Variants in ALDH8A1 observed in about 807,000 individuals in gnomAD.
ALDH8A1 encodes 2-aminomuconic semialdehyde dehydrogenase.
Under a neutral mutation model 43.3 loss-of-function variants are expected in ALDH8A1, and 39 were observed. The ratio of observed to expected loss-of-function variants is 0.90; its 90% confidence interval spans 0.70 to 1.18. The LOEUF is 1.18. ALDH8A1 is among the 50% of genes most tolerant of loss of function. The probability of loss-of-function intolerance (pLI) is 0.00; values close to 1 mark genes in which losing one functional copy is unlikely to be tolerated. For missense variants in ALDH8A1, 605 were observed against 622.6 expected, an observed-to-expected ratio of 0.97 and a Z score of 0.30; for synonymous variants, 233 against 243.5, an observed-to-expected ratio of 0.96 and a Z score of 0.40.
rs571952499 is a variant in ALDH8A1, at chr6:134,922,859, T to C, written c.1012-3992A>G. On this transcript the variant is annotated intron_variant, in intron 6 of 6. Coordinates refer to ENST00000265605, the MANE Select transcript of ALDH8A1 (RefSeq NM_022568.4). ...CAAGCAGAAAATCAAAAGTAGTTGA[T>C]TGAAAAGTCTTCAGTTGAGTTGATA... Among the ~76,000 whole-genome samples, 5 of 152,262 alleles carry C rather than the reference T, an allele frequency of 3.3e-5. No individual in the cohort carries two copies. The South Asian group carries it at 1.0e-3, about 32-fold the overall frequency.
rs75214079 is a variant in ALDH8A1 at position 134,946,788 on chromosome 6, G to A, written c.139-2822C>T. 7.8e-3 allele frequency among the ~76,000 whole-genome samples: 1,165 copies of A among 148,572 alleles called. 19 individuals are homozygous for A. The highest frequency in any genetic ancestry group is 0.028 in the African/African-American group (1,079 of 38,238). ...CACAGGTGCGCATGTGTGCGCGCGC[G>A]CACAGGTGCGCATGTGTGCGTGCAC... is the stretch of plus-strand genomic sequence containing the variant. On this transcript the variant is annotated intron_variant, in intron 1 of 6. Transcript: ENST00000265605.
chr6:134,932,666 C>T (rs1002407858), intron 5 of ALDH8A1, 110 bp downstream of exon 5: 29 of 1,455,622 alleles, frequency 2.0e-5, no homozygotes, highest in Admixed American at 1.5e-4. Context: ...CCTGCTTTCT[C>T]GGAAATGGCA....
At position 134,918,762 on chromosome 6, in the gene ALDH8A1, T is replaced by C. The variant is rs759367815; in HGVS notation, c.1117A>G (p.Met373Val). ...LPARNQAGYFMLPTVITDIKD... is the reference protein window; with the variant it reads ...LPARNQAGYFVLPTVITDIKD... ...ATGTCTGTTATCACCGTGGGAAGCATAAAGTAGCCTGCCTGGTTCCTGGCA... is the reference window on the plus strand; with the variant it reads ...ATGTCTGTTATCACCGTGGGAAGCACAAAGTAGCCTGCCTGGTTCCTGGCA... The change falls in exon 7 of 7, where the codon ATG becomes GTG. Residue 373 changes from methionine (M) to valine (V), a missense_variant. Coordinates refer to ENST00000265605, the MANE Select transcript of ALDH8A1 (RefSeq NM_022568.4). 6.2e-7 allele frequency: 1 copy of C among 1,614,176 alleles called. No homozygotes were observed. The highest frequency in any genetic ancestry group is 8.5e-7 in the Non-Finnish European group (1 of 1,180,032).
At chr6:134,928,449 G>C (rs367796854) in intron 6 of ALDH8A1, among the ~76,000 whole-genome samples, 7 of 152,352 alleles carry the variant, frequency 4.6e-5, no homozygotes, top group Admixed American at 2.0e-4. Flanking sequence ...GCTGAAAGCA[G>C]AGTCCTTCTG....
Position 134,943,206 on chromosome 6 carries a change from A to G in ALDH8A1, c.286+613T>C, listed in dbSNP as rs563543759. On this transcript the variant is annotated intron_variant, in intron 2 of 6. Coordinates refer to ENST00000265605, the MANE Select transcript of ALDH8A1 (RefSeq NM_022568.4). Reference sequence around the variant, plus strand: ...ACCAGCAGAGAACTATTTTCTTTTTAAGGGCTTGGACTCAGGCTGCTTTCT... The same window carrying G: ...ACCAGCAGAGAACTATTTTCTTTTTGAGGGCTTGGACTCAGGCTGCTTTCT... Among the ~76,000 whole-genome samples, 5 of 152,334 alleles carry G rather than the reference A, an allele frequency of 3.3e-5. No individual in the cohort carries two copies. In the South Asian group the frequency reaches 8.3e-4, roughly 25 times the overall value.
At chr6:134,940,196 G>A in intron 3 of ALDH8A1, 2 of 364,020 alleles carry the variant, frequency 5.5e-6, no homozygotes, top group Non-Finnish European at 1.1e-5. Context: ...TAACAAACCT[G>A]CACGTCCTGC....
chr6:134,941,872 A>G (rs566469969), intron 3 of ALDH8A1, among the ~76,000 whole-genome samples: 1 of 152,102 alleles, frequency 6.6e-6, no homozygotes, highest in East Asian at 1.9e-4. Flanking sequence ...CTGGCATGTG[A>G]ATTTACATAT....
intron 3 of ALDH8A1, among the ~76,000 whole-genome samples, chr6:134,941,077 T>C (rs1187375823): frequency 6.6e-6 from 1 of 152,252 alleles, no homozygotes. Flanking sequence ...TTATACGTTC[T>C]TCCAAAGGTC....
At position 134,918,468 on chromosome 6, in the gene ALDH8A1, T is replaced by C; in HGVS notation, c.1411A>G (p.Lys471Glu). Residue 471 changes from lysine (K) to glutamate (E), a missense_variant, in exon 7 of 7, where the codon AAG (lysine) becomes GAG (glutamate). Physicochemically the swap from Lys to Glu is moderately conservative, Grantham distance 56. Coordinates refer to ENST00000265605, the MANE Select transcript of ALDH8A1 (RefSeq NM_022568.4). ...TCAGTGAAGAAGTCGTAAGAGTCCTTGGCTCCCTCTCTACCTATTCCAGAA... is the reference window on the plus strand; with the variant it reads ...TCAGTGAAGAAGTCGTAAGAGTCCTCGGCTCCCTCTCTACCTATTCCAGAA... ...KSSGIGREGAKDSYDFFTEIK... is the reference protein window; with the variant it reads ...KSSGIGREGAEDSYDFFTEIK... 1 of 1,614,192 alleles carries C rather than the reference T, an allele frequency of 6.2e-7. No individual in the cohort carries two copies. Among genetic ancestry groups the C allele is most frequent in the Non-Finnish European group, 8.5e-7 (1 of 1,180,036 alleles).
At chr6:134,927,626 T>C (rs1014491668) in intron 6 of ALDH8A1, among the ~76,000 whole-genome samples, 1 of 152,186 alleles carries the variant, frequency 6.6e-6, no homozygotes, top group Non-Finnish European at 1.5e-5. Context: ...ATAGTTATTA[T>C]GGCAGCGACT....
At chr6:134,927,228 G>A (rs1017522805) in intron 6 of ALDH8A1, among the ~76,000 whole-genome samples, 5 of 152,088 alleles carry the variant, frequency 3.3e-5, no homozygotes, top group Non-Finnish European at 5.9e-5. Context: ...ACTCATTAGC[G>A]TCTTGTATAA....
intron 1 of ALDH8A1, among the ~76,000 whole-genome samples, chr6:134,948,684 CTA>C (rs374270173): frequency 1.8e-4 from 27 of 152,266 alleles, no homozygotes; most frequent in African/African-American, 6.3e-4. Flanking sequence ...CCGGAAAAAA[CTA>C]TGACTTATGG....
intron 6 of ALDH8A1, among the ~76,000 whole-genome samples, chr6:134,920,704 A>T (rs1396063583): frequency 1.1e-4 from 16 of 152,192 alleles, no homozygotes. Flanking sequence ...GATAATATCT[A>T]CCCCAGCAGC....
chr6:134,918,103 T>C lies in ALDH8A1; in HGVS notation c.*312A>G. On this transcript the variant is annotated 3_prime_UTR_variant, in exon 7 of 7. Transcript: ENST00000265605. ...TTTACCAAATGAAATAATCTGATTA[T>C]CTGGAGATTCCCAAGAGTTCAATGA... 1 of 352,036 alleles carries C rather than the reference T, an allele frequency of 2.8e-6. No individual in the cohort carries two copies. The highest frequency in any genetic ancestry group is 5.2e-6 in the Non-Finnish European group (1 of 193,814). 21.8% of individuals were successfully genotyped at this position (352,036 alleles called of 1,614,324 possible).
In ALDH8A1 at chr6:134,942,475, A is replaced by T; in HGVS notation, c.376T>A (p.Ser126Thr). ...AGGTGGTCCATCTGCGTGCACTCTG[A>T]CGTGTGGTGCAGGCTGGAGGAAGCG... is the stretch of plus-strand genomic sequence containing the variant. ...FFASSSLHHTSECTQMDHLGC... is the reference protein window; with the variant it reads ...FFASSSLHHTTECTQMDHLGC... The change falls in exon 3 of 7, where the codon TCA becomes ACA. Residue 126 changes from serine to threonine, a missense_variant. Physicochemically the swap from Ser to Thr is moderately conservative, Grantham distance 58 (BLOSUM62 1). Transcript: ENST00000265605. 3 of 1,614,156 alleles carry T rather than the reference A, an allele frequency of 1.9e-6. No homozygotes were observed. Among genetic ancestry groups the T allele is most frequent in the Non-Finnish European group, 2.5e-6 (3 of 1,180,030 alleles).
At chr6:134,948,952 T>A (rs1419770556) in intron 1 of ALDH8A1, among the ~76,000 whole-genome samples, 1 of 152,196 alleles carries the variant, frequency 6.6e-6, no homozygotes, top group African/African-American at 2.4e-5. Flanking sequence ...CAGTTTATAA[T>A]TTAACCAATG....
intron 4 of ALDH8A1, among the ~76,000 whole-genome samples, chr6:134,937,232 C>T (rs997608748): frequency 6.6e-6 from 1 of 152,176 alleles, no homozygotes; most frequent in Non-Finnish European, 1.5e-5. Context: ...TGTTTAAATG[C>T]CCAGGACTAG....
chr6:134,935,953 C>CTT (rs5880239), intron 4 of ALDH8A1, among the ~76,000 whole-genome samples: 3,523 of 138,876 alleles, frequency 0.025, 119 homozygotes, highest in African/African-American at 0.066. Flanking sequence ...AGCCCCACTT[C>CTT]TTTTTTTTTT....
At chr6:134,945,228 G>A (rs756315806) in intron 1 of ALDH8A1, among the ~76,000 whole-genome samples, 4 of 152,072 alleles carry the variant, frequency 2.6e-5, no homozygotes, top group Non-Finnish European at 5.9e-5. Flanking sequence ...TGAGAAAACT[G>A]AGACATAGAA....
Sources: allele counts gnomAD v4.1 joint callset (sites outside exome capture counted in the v4.1 genomes callset), GRCh38; gene constraint gnomAD v4.1.1; transcripts MANE v1.5; gene names NCBI Gene and HGNC (gene_info 2026-07-23, HGNC 2026-07-21).